The following TAFA1 variants were observed in gnomAD, a reference collection of about 807,000 sequenced individuals.
The protein encoded by TAFA1 is chemokine-like protein TAFA-1.
In TAFA1, 4 loss-of-function variants were observed where a neutral mutation model predicts 18.5. The ratio of observed to expected loss-of-function variants is 0.22; its 90% CI spans 0.11 to 0.49. TAFA1 has a LOEUF of 0.49. TAFA1 is among the 20% of genes least tolerant of loss of function. TAFA1 has a pLI of 0.98. For missense variants in TAFA1, 147 were observed against 169.0 expected (o/e 0.87, Z 0.72); for synonymous variants, 56 against 55.2 (o/e 1.01, Z -0.06).
At chr3:68,397,211 G>C (rs566709066) in intron 2 of TAFA1, among the ~76,000 whole-genome samples, 1 of 151,944 alleles carries the variant, frequency 6.6e-6, no homozygotes, top group Non-Finnish European at 1.5e-5. Flanking sequence ...TGTTACATAG[G>C]TATGCATCTG....
chr3:68,194,578 T>A (rs1200144449), intron 2 of TAFA1, among the ~76,000 whole-genome samples: 1 of 151,802 alleles, frequency 6.6e-6, no homozygotes, highest in African/African-American at 2.4e-5. Context: ...GTTATTGTTG[T>A]TGTTGGCAGG....
At chr3:68,048,745 C>G (rs1348580519) in intron 2 of TAFA1, among the ~76,000 whole-genome samples, 1 of 152,058 alleles carries the variant, frequency 6.6e-6, no homozygotes, top group Non-Finnish European at 1.5e-5. Flanking sequence ...TTTCATTTAA[C>G]ATAATAACCT....
At chr3:68,404,721 C>G (rs1233605587) in intron 2 of TAFA1, among the ~76,000 whole-genome samples, 1 of 151,748 alleles carries the variant, frequency 6.6e-6, no homozygotes, top group South Asian at 2.1e-4. Context: ...CGCTTGAACC[C>G]AGGAGGCAGA....
intron 2 of TAFA1, among the ~76,000 whole-genome samples, chr3:68,310,694 TATAATCATGCTGTTTATATTTGAA>T (rs1429812557): frequency 3.9e-5 from 6 of 152,346 alleles, no homozygotes; most frequent in Admixed American, 6.5e-5. Context: ...CTATGATCAA[TATAATCATGCTGTTTATATTTGAA>T]ATAATCATGC....
chr3:68,544,229 A>G (rs1255868706), intron 4 of TAFA1, among the ~76,000 whole-genome samples: 1 of 152,134 alleles, frequency 6.6e-6, no homozygotes, highest in Admixed American at 6.6e-5. Context: ...CTGGATAGGC[A>G]TTGCTCCAGG....
At chr3:68,431,445 T>C (rs1276011527) in intron 3 of TAFA1, among the ~76,000 whole-genome samples, 1 of 151,994 alleles carries the variant, frequency 6.6e-6, no homozygotes. Flanking sequence ...AACATTATGA[T>C]ACCTAATCTT....
intron 2 of TAFA1, among the ~76,000 whole-genome samples, chr3:68,210,519 T>A (rs963009767): frequency 6.6e-6 from 1 of 152,042 alleles, no homozygotes; most frequent in Non-Finnish European, 1.5e-5. Context: ...TTCCAATGTT[T>A]ACCCTTCAGT....
At chr3:68,061,779 T>G (rs964034932) in intron 2 of TAFA1, among the ~76,000 whole-genome samples, 49 of 152,138 alleles carry the variant, frequency 3.2e-4, no homozygotes, top group African/African-American at 1.2e-3. Context: ...ACTCAAGAAA[T>G]GTCTCTATTT....
At chr3:68,428,957 G>A (rs1452149424) in intron 3 of TAFA1, among the ~76,000 whole-genome samples, 1 of 151,908 alleles carries the variant, frequency 6.6e-6, no homozygotes, top group South Asian at 2.1e-4. Flanking sequence ...CTCAATAGAG[G>A]TTCAAGTAAA....
intron 2 of TAFA1, among the ~76,000 whole-genome samples, chr3:68,259,412 C>T (rs1484766730): frequency 1.3e-5 from 2 of 152,112 alleles, no homozygotes; most frequent in East Asian, 3.9e-4. Flanking sequence ...AGTGACTTGG[C>T]GATGCGGGCT....
intron 2 of TAFA1, among the ~76,000 whole-genome samples, chr3:68,260,597 G>A (rs2067396828): frequency 6.6e-6 from 1 of 152,056 alleles, no homozygotes; most frequent in Non-Finnish European, 1.5e-5. Context: ...ACAGAACAGA[G>A]CCCTCAGAAA....
intron 3 of TAFA1, among the ~76,000 whole-genome samples, chr3:68,427,033 C>T (rs1166223703): frequency 6.6e-6 from 1 of 151,840 alleles, no homozygotes; most frequent in Non-Finnish European, 1.5e-5. Context: ...AAACATCTGT[C>T]ATGATGTGTA....
intron 3 of TAFA1, among the ~76,000 whole-genome samples, chr3:68,490,399 G>A (rs181263101): frequency 3.9e-4 from 56 of 142,546 alleles, no homozygotes; most frequent in African/African-American, 7.5e-4. Context: ...CTTTTAATAC[G>A]AAAGAAAAAT....
intron 2 of TAFA1, among the ~76,000 whole-genome samples, chr3:68,370,784 T>TG (rs2069690249): frequency 6.8e-6 from 1 of 147,974 alleles, no homozygotes; most frequent in Non-Finnish European, 1.5e-5. Context: ...TTCGTTGTTT[T>TG]TTTTTTTTTT....
chr3:68,355,098 T>A (rs2069337055), intron 2 of TAFA1, among the ~76,000 whole-genome samples: 1 of 151,956 alleles, frequency 6.6e-6, no homozygotes, highest in South Asian at 2.1e-4. Flanking sequence ...TGTGGACATA[T>A]GGGAAGTGGT....
upstream of TAFA1, among the ~76,000 whole-genome samples, chr3:67,999,682 CA>C (rs1559696860): frequency 6.6e-6 from 1 of 151,868 alleles, no homozygotes; most frequent in African/African-American, 2.4e-5. Flanking sequence ...AATTCCAACA[CA>C]AATTTAGTGG....
intron 3 of TAFA1, among the ~76,000 whole-genome samples, chr3:68,444,721 C>T (rs2071444795): frequency 6.8e-6 from 1 of 147,998 alleles, no homozygotes; most frequent in Non-Finnish European, 1.5e-5. Context: ...TACTTAAGGC[C>T]AGGAGTTTTA....
chr3:68,234,385 G>T (rs1410419279), intron 2 of TAFA1, among the ~76,000 whole-genome samples: 1 of 152,020 alleles, frequency 6.6e-6, no homozygotes, highest in African/African-American at 2.4e-5. Flanking sequence ...ATATATATAG[G>T]GCTTGAGGAG....
At position 68,104,713 on chromosome 3, in the gene TAFA1, A is replaced by T. The variant is rs547064651; in HGVS notation, c.118+97969A>T. On this transcript the variant is annotated intron_variant, in intron 2 of 4. Transcript: ENST00000478136. ...TGAAGATGACCAAGCTCATTTGTTT[A>T]CACATTGTTTATGGCTGCTTTTGTA... is the stretch of plus-strand genomic sequence containing the variant. Among the ~76,000 whole-genome samples the T allele has an allele frequency of 2.0e-5, 3 of 152,228 alleles. No individual in the cohort carries two copies. The South Asian group carries it at 6.2e-4, about 32-fold the overall frequency.
Sources: gnomAD v4.1 joint callset for allele counts (sites outside exome capture counted in the v4.1 genomes callset) on GRCh38, gnomAD v4.1.1 for gene constraint, MANE v1.5 for transcripts, NCBI Gene and HGNC (gene_info 2026-07-23, HGNC 2026-07-21) for gene names.